Variants in MYO18A observed in about 807,000 individuals in gnomAD.
The protein encoded by MYO18A is unconventional myosin-XVIIIa.
In MYO18A, 78 loss-of-function variants were observed where a neutral mutation model predicts 235.8. The ratio of observed to expected loss-of-function variants is 0.33; its 90% CI spans 0.28 to 0.40. The LOEUF is 0.40. Among genes scored for constraint, MYO18A ranks in the 10% least tolerant of loss-of-function variants. The probability of loss-of-function intolerance (pLI) is 1.00; values close to 1 mark genes in which losing one functional copy is unlikely to be tolerated. For synonymous variants in MYO18A, 977 were observed against 1,077.8 expected (o/e 0.91, Z 1.83); for missense variants, 2,215 against 2,699.3 (o/e 0.82, Z 3.98).
At chr17:29,165,254 T>G (rs1567643717) in intron 2 of MYO18A, 1 of 152,226 alleles carries the variant, frequency 6.6e-6, no homozygotes, top group Non-Finnish European at 1.5e-5. Context: ...TTGTCCTTTT[T>G]TATCCCCAAG....
At chr17:29,162,652 G>T (rs1221769492) in intron 2 of MYO18A, among the ~76,000 whole-genome samples, 2 of 152,206 alleles carry the variant, frequency 1.3e-5, no homozygotes, top group Non-Finnish European at 2.9e-5. Context: ...CTTACTATGA[G>T]CTCCTTGGGG....
intron 1 of MYO18A, among the ~76,000 whole-genome samples, chr17:29,173,021 T>G (rs9894928): frequency 6.6e-6 from 1 of 152,268 alleles, no homozygotes; most frequent in African/African-American, 2.4e-5. Context: ...GGGCATGGGA[T>G]GCAGGGAGTC....
At position 29,111,986 on chromosome 17, in the gene MYO18A, T is replaced by G. The variant is rs116017347; in HGVS notation, c.2599-123A>C. The G allele has an allele frequency of 2.0e-3, 2,564 of 1,253,444 alleles. 38 individuals are homozygous for G. The African/African-American group carries it at 0.036, about 17-fold the overall frequency. The allele number at this position is 1,253,444 out of a possible 1,614,324, so 77.6% of individuals were successfully genotyped here. A position where few individuals can be genotyped will look rare whatever the true frequency, so the allele number is the denominator to read the frequency against. On this transcript the variant is annotated intron_variant, in intron 15 of 41. Coordinates refer to ENST00000527372, the MANE Select transcript of MYO18A (RefSeq NM_078471.4). This position sits in a 1 kb window ranked among gnomAD's most constrained non-coding sequence, Gnocchi z 5.1. ...ATGTGCACACATGCACACACGCACA[T>G]GCCGCAGCTCCTGCCGCTCACTGCT...
intron 21 of MYO18A, 146 bp downstream of exon 21, chr17:29,103,452 TG>T: frequency 1.3e-6 from 1 of 762,234 alleles, no homozygotes; most frequent in Non-Finnish European, 2.2e-6. Context: ...CCTGAGTGGC[TG>T]GGCGGGGTGG....
chr17:29,082,137 C>T (rs1000722173), intron 41 of MYO18A, among the ~76,000 whole-genome samples, 179 bp downstream of exon 41: 3 of 152,204 alleles, frequency 2.0e-5, no homozygotes, highest in Non-Finnish European at 4.4e-5. Context: ...ATAAGGGCGA[C>T]GCAGCCCTGG....
chr17:29,109,641 T>C lies in MYO18A; in HGVS notation c.3331+217A>G, dbSNP rs957900516. On this transcript the variant is annotated intron_variant, in intron 19 of 41. Coordinates refer to ENST00000527372, the MANE Select transcript of MYO18A (RefSeq NM_078471.4). This position sits in a 1 kb window ranked among gnomAD's most constrained non-coding sequence, Gnocchi z 4.1. ...GGAGGGGGACAAAGAGAACTGAATA[T>C]GGAAGGGAGAGGAGGAGGCGGGGAC... Among the ~76,000 whole-genome samples the C allele has an allele frequency of 2.0e-5, 3 of 151,658 alleles. No individual in the cohort carries two copies. Among genetic ancestry groups the C allele is most frequent in the Non-Finnish European group, 2.9e-5 (2 of 67,922 alleles).
chr17:29,122,258 CA>C lies in MYO18A; in HGVS notation c.1000-6del. On this transcript the variant is annotated splice_region_variant and splice_polypyrimidine_tract_variant and intron_variant, in intron 2 of 41. Coordinates refer to ENST00000527372, the MANE Select transcript of MYO18A (RefSeq NM_078471.4). ...AATCTGTTCTTCTGTTTTCGCCTGTCAGAGAGAGAGAAGAATAAACAGGCCC... is the reference window on the plus strand; with the variant it reads ...AATCTGTTCTTCTGTTTTCGCCTGTCGAGAGAGAGAAGAATAAACAGGCCC... 1 of 1,608,902 alleles carries C rather than the reference CA, an allele frequency of 6.2e-7. No homozygotes were observed. The highest frequency in any genetic ancestry group is 1.7e-5 in the Admixed American group (1 of 59,264).
At chr17:29,086,638 A>G in intron 38 of MYO18A, 61 bp from the exon 39 acceptor site, 1 of 1,578,032 alleles carries the variant, frequency 6.3e-7, no homozygotes, top group Non-Finnish European at 8.6e-7. Flanking sequence ...GATGGCCAGA[A>G]GAAGCCTGCT....
chr17:29,087,163 C>T (rs771114572), intron 37 of MYO18A, 42 bp from the exon 38 acceptor site: 1 of 1,580,454 alleles, frequency 6.3e-7, no homozygotes, highest in Non-Finnish European at 8.6e-7. Context: ...CAGGCAGGCC[C>T]ATCAGCCAGG....
intron 3 of MYO18A, 80 bp from the exon 4 acceptor site, chr17:29,122,037 C>T: frequency 6.6e-7 from 1 of 1,523,048 alleles, no homozygotes; most frequent in Non-Finnish European, 9.1e-7. Context: ...GTCCTATCCT[C>T]CCCCCCACTG....
chr17:29,122,907 G>A (rs1050305313), intron 2 of MYO18A, among the ~76,000 whole-genome samples: 12 of 152,186 alleles, frequency 7.9e-5, no homozygotes, highest in African/African-American at 1.9e-4. Context: ...TCTCCATGCC[G>A]CCATCAGCAA....
Position 29,087,084 on chromosome 17 carries a change from A to G in MYO18A, c.5564T>C (p.Leu1855Pro). 6.2e-7 allele frequency: 1 copy of G among 1,613,860 alleles called. No individual in the cohort carries two copies. Residue 1855 changes from leucine to proline, a missense_variant, in exon 38 of 42, where the codon CTG becomes CCG. By Grantham distance (98) the Leu-to-Pro change is moderately conservative. Coordinates refer to ENST00000527372, the MANE Select transcript of MYO18A (RefSeq NM_078471.4). The stretch of plus-strand genomic sequence containing the variant: ...AATGCGCTGATCCCGCTCCTCAGTC[A>G]GCTTCTCCATGTTTTCCTTGAGACG... ...ASRLKENMEKLTEERDQRIAA... is the reference protein window; with the variant it reads ...ASRLKENMEKPTEERDQRIAA...
At chr17:29,142,866 G>C (rs1567628803) in intron 2 of MYO18A, among the ~76,000 whole-genome samples, 1 of 152,232 alleles carries the variant, frequency 6.6e-6, no homozygotes, top group African/African-American at 2.4e-5. Context: ...GGAGTACAGT[G>C]GCTCCATCTC....
chr17:29,099,397 C>T (rs2066601060), intron 22 of MYO18A, among the ~76,000 whole-genome samples: 1 of 152,106 alleles, frequency 6.6e-6, no homozygotes, highest in Admixed American at 6.5e-5. Flanking sequence ...TGATCCGGAG[C>T]CCACCTTTGC....
chr17:29,155,913 T>C (rs2068056861), intron 2 of MYO18A, among the ~76,000 whole-genome samples: 3 of 152,162 alleles, frequency 2.0e-5, no homozygotes, highest in Admixed American at 1.3e-4. Flanking sequence ...CCTGGCCTAG[T>C]AGGGACATGC....
intron 7 of MYO18A, among the ~76,000 whole-genome samples, chr17:29,119,883 CT>C (rs530700850): frequency 2.4e-4 from 35 of 145,722 alleles, no homozygotes; most frequent in African/African-American, 2.5e-4. Flanking sequence ...TTTTTTAAGT[CT>C]TTTTTTTTTA....
intron 31 of MYO18A, among the ~76,000 whole-genome samples, chr17:29,093,669 C>T (rs968181249): frequency 2.0e-5 from 3 of 151,988 alleles, no homozygotes; most frequent in South Asian, 2.1e-4. Flanking sequence ...GAGACCTTGC[C>T]GCATGGTGGA....
intron 18 of MYO18A, 54 bp from the exon 19 acceptor site, chr17:29,110,155 G>A: frequency 6.3e-7 from 1 of 1,581,216 alleles, no homozygotes; most frequent in South Asian, 1.1e-5. Flanking sequence ...GTGCTCAGAA[G>A]AGCAGGGACT....
Position 29,166,035 on chromosome 17 carries a change from G to T in MYO18A, c.906C>A (p.Ser302Arg). 1 of 1,613,718 alleles carries T rather than the reference G, an allele frequency of 6.2e-7. No homozygotes were observed. ...GAATGGGCTGCACCTTGAGCCGCAC[G>T]CTGTCCCCTGACTGCCGGATCATCT... ...IVEMIRQSGD[S>R]VRLKVQPIPE... The change falls in exon 2 of 42, where the codon AGC becomes AGA. Residue 302 changes from serine to arginine, a missense_variant. Transcript: ENST00000527372.
Sources: allele counts gnomAD v4.1 joint callset (sites outside exome capture counted in the v4.1 genomes callset), GRCh38; gene constraint gnomAD v4.1.1; non-coding constraint Gnocchi (gnomAD v3.1); transcripts MANE v1.5; gene names NCBI Gene and HGNC (gene_info 2026-07-23, HGNC 2026-07-21).